The following MAP4K4 variants were observed in gnomAD, a reference collection of about 807,000 sequenced individuals.
MAP4K4 encodes mitogen-activated protein kinase kinase kinase kinase 4.
Under a neutral mutation model 189.6 loss-of-function variants are expected in MAP4K4, and 38 were observed. The observed-to-expected ratio is 0.20, with a 90% CI of 0.15 to 0.26. MAP4K4 has a LOEUF of 0.26. MAP4K4 is among the 10% of genes least tolerant of loss of function. The pLI is 1.00. For missense variants in MAP4K4, 1,054 were observed against 1,726.9 expected (o/e 0.61, Z 6.91); for synonymous variants, 610 against 624.3 (o/e 0.98, Z 0.34).
At chr2:101,831,189 C>A (rs1286473746) in intron 6 of MAP4K4, among the ~76,000 whole-genome samples, 2 of 152,188 alleles carry the variant, frequency 1.3e-5, no homozygotes, top group South Asian at 2.1e-4. Flanking sequence ...ACTGAAAAAT[C>A]AGCAGAAGTT....
At chr2:101,732,360 G>A (rs1318202306) in intron 2 of MAP4K4, among the ~76,000 whole-genome samples, 3 of 152,196 alleles carry the variant, frequency 2.0e-5, no homozygotes, top group African/African-American at 7.2e-5. Flanking sequence ...ACCATTCAGA[G>A]AAAGTGGTTT....
intron 27 of MAP4K4, among the ~76,000 whole-genome samples, chr2:101,881,186 G>A (rs2098379689): frequency 6.6e-6 from 1 of 152,054 alleles, no homozygotes; most frequent in Non-Finnish European, 1.5e-5. Context: ...CTAGCAAAGG[G>A]CTAATTTTAT....
At chr2:101,812,144 T>C (rs928697711) in intron 3 of MAP4K4, among the ~76,000 whole-genome samples, 1 of 152,194 alleles carries the variant, frequency 6.6e-6, no homozygotes, top group Non-Finnish European at 1.5e-5. Flanking sequence ...TGTGGTAGTT[T>C]ATGGTCCTCC....
At position 101,747,803 on chromosome 2, in the gene MAP4K4, G is replaced by C. The variant is rs534069396; in HGVS notation, c.124-42917G>C. ...TCATTTTAATACTATGTCTAGTTTG[G>C]TCCAAGAAATAGGCTTGGTTAATCT... On this transcript the variant is annotated intron_variant, in intron 2 of 32. Transcript: ENST00000324219. Among the ~76,000 whole-genome samples the C allele has an allele frequency of 1.1e-3, 169 of 152,242 alleles. 2 individuals are homozygous for C. Among genetic ancestry groups the C allele is most frequent in the African/African-American group, 3.8e-3 (156 of 41,532 alleles).
At chr2:101,747,892 C>T (rs972902515) in intron 2 of MAP4K4, among the ~76,000 whole-genome samples, 2 of 152,194 alleles carry the variant, frequency 1.3e-5, no homozygotes, top group African/African-American at 4.8e-5. Context: ...CTTTTTGGCA[C>T]CTCTTCTGCT....
intron 2 of MAP4K4, among the ~76,000 whole-genome samples, chr2:101,702,392 C>A (rs1419475054): frequency 6.6e-6 from 1 of 151,894 alleles, no homozygotes; most frequent in East Asian, 2.0e-4. Context: ...CATGGTGAAA[C>A]CCCGTTTCTA....
chr2:101,859,968 A>G, intron 15 of MAP4K4, 104 bp downstream of exon 15: 1 of 1,159,992 alleles, frequency 8.6e-7, no homozygotes, highest in South Asian at 1.3e-5. Context: ...GAGTTTAGCT[A>G]ATTATCTGGT....
chr2:101,734,808 C>T (rs2059751252), intron 2 of MAP4K4, among the ~76,000 whole-genome samples: 1 of 152,178 alleles, frequency 6.6e-6, no homozygotes, highest in Non-Finnish European at 1.5e-5. Flanking sequence ...ATAGCATGAT[C>T]TCCATGCTGG....
Position 101,869,974 on chromosome 2 carries a change from T to A in MAP4K4, c.2639+177T>A, listed in dbSNP as rs558664902. 65 of 763,442 alleles carry A rather than the reference T, an allele frequency of 8.5e-5. 2 individuals are homozygous for A. The South Asian group carries it at 1.2e-3, about 14-fold the overall frequency. The allele number at this position is 763,442 out of a possible 1,614,324, so 47.3% of individuals were successfully genotyped here. On this transcript the variant is annotated intron_variant, in intron 22 of 32. Coordinates refer to ENST00000324219, the Ensembl canonical transcript of MAP4K4. ...CCTTCTCTTCGTTGGTGTGTGCATA[T>A]GTCAGTGCTTCCCCCAGCACCCCAG...
chr2:101,809,260 A>G (rs192116630), intron 3 of MAP4K4, among the ~76,000 whole-genome samples: 8 of 152,082 alleles, frequency 5.3e-5, no homozygotes, highest in South Asian at 2.1e-4. Flanking sequence ...ACTTTGGACA[A>G]TGTGGCTTTT....
intron 2 of MAP4K4, among the ~76,000 whole-genome samples, chr2:101,720,563 T>C (rs1378531813): frequency 3.9e-5 from 6 of 152,014 alleles, no homozygotes; most frequent in Non-Finnish European, 8.8e-5. Context: ...TGTCAGCATA[T>C]AGTAGACTGC....
intron 2 of MAP4K4, among the ~76,000 whole-genome samples, chr2:101,713,117 C>T (rs746180451): frequency 3.3e-5 from 5 of 151,334 alleles, no homozygotes; most frequent in Non-Finnish European, 7.4e-5. Flanking sequence ...GTTGGCCAGA[C>T]TGATCTCAAA....
chr2:101,724,916 G>A (rs1334673006), intron 2 of MAP4K4, among the ~76,000 whole-genome samples: 1 of 152,114 alleles, frequency 6.6e-6, no homozygotes, highest in Admixed American at 6.5e-5. Flanking sequence ...TTTACTCTAT[G>A]TTTTCTGTGT....
chr2:101,838,497 T>G (rs1476376092), intron 9 of MAP4K4, among the ~76,000 whole-genome samples: 1 of 152,222 alleles, frequency 6.6e-6, no homozygotes, highest in Non-Finnish European at 1.5e-5. Flanking sequence ...TCTCTAACAC[T>G]TCCCTACTTT....
chr2:101,770,826 A>G (rs1455072143), intron 2 of MAP4K4, among the ~76,000 whole-genome samples: 3 of 152,158 alleles, frequency 2.0e-5, no homozygotes, highest in Non-Finnish European at 4.4e-5. Flanking sequence ...GTCCCAGTGG[A>G]CATTTAAACT....
exon 19 of MAP4K4, chr2:101,866,507 A>G (rs756626699): frequency 6.2e-7 from 1 of 1,613,824 alleles, no homozygotes; most frequent in Non-Finnish European, 8.5e-7. Flanking sequence ...CTCAGGGTCC[A>G]GCAACTCAGG....
chr2:101,845,211 C>G (rs985834986), intron 12 of MAP4K4, among the ~76,000 whole-genome samples: 1 of 151,392 alleles, frequency 6.6e-6, no homozygotes, highest in African/African-American at 2.4e-5. Flanking sequence ...CGAACACACA[C>G]GCACACACGG....
rs34196195 is a variant in MAP4K4 at position 101,783,281 on chromosome 2, G to GAAA, written c.124-7431_124-7429dup. 2.8e-4 allele frequency among the ~76,000 whole-genome samples: 42 copies of GAAA among 149,562 alleles called. 3 individuals carry two copies. The highest frequency in any genetic ancestry group is 2.5e-5 in the African/African-American group (1 of 40,692). ...AGAACATAAGCTATGTGTTTTTCTG[G>GAAA]AAAAAAAAAAGGATATTTGTTAGAA... On this transcript the variant is annotated intron_variant, in intron 2 of 32. Coordinates refer to ENST00000324219, the Ensembl canonical transcript of MAP4K4.
intron 24 of MAP4K4, 109 bp downstream of exon 24, chr2:101,871,794 C>T: frequency 1.0e-6 from 1 of 993,212 alleles, no homozygotes; most frequent in Admixed American, 2.6e-5. Flanking sequence ...CCCTTCCCAC[C>T]CTGCTTTCTC....
Sources: gnomAD v4.1 joint callset for allele counts (sites outside exome capture counted in the v4.1 genomes callset) on GRCh38, gnomAD v4.1.1 for gene constraint, MANE v1.5 for transcripts, NCBI Gene and HGNC (gene_info 2026-07-23, HGNC 2026-07-21) for gene names.